Variants in ADCY4 observed in about 807,000 individuals in gnomAD.
ADCY4 encodes adenylate cyclase type 4.
In ADCY4, 111 loss-of-function variants were observed where a neutral mutation model predicts 125.5. The ratio of observed to expected loss-of-function variants is 0.88; its 90% CI spans 0.76 to 1.04. The LOEUF is 1.04. Ranked by LOEUF, ADCY4 falls within the 50% of genes least tolerant of loss-of-function variation. The probability of loss-of-function intolerance (pLI) is 0.00; values close to 1 mark genes in which losing one functional copy is unlikely to be tolerated. For missense variants in ADCY4, 1,256 were observed against 1,382.9 expected (o/e 0.91, Z 1.46); for synonymous variants, 576 against 586.9 (o/e 0.98, Z 0.27).
intron 16 of ADCY4, 132 bp from the exon 17 acceptor site, chr14:24,323,586 G>A (rs938604881): frequency 3.4e-6 from 5 of 1,464,330 alleles, no homozygotes; most frequent in South Asian, 2.8e-5. Flanking sequence ...GCTATTTCTG[G>A]TTGGGAAGGG....
chr14:24,321,145 G>T (rs2041845136), intron 20 of ADCY4, among the ~76,000 whole-genome samples: 1 of 149,528 alleles, frequency 6.7e-6, no homozygotes, highest in Non-Finnish European at 1.5e-5. Context: ...GCCGGGTGCG[G>T]TGCGCCTGTA....
Position 24,331,086 on chromosome 14 carries a change from C to T in ADCY4, c.862G>A (p.Glu288Lys), listed in dbSNP as rs973797984. ...AGCACCAGCTCCTTAGGGGAACACTCGCTGGCCAGCCGCGTGAAGCCCACG... is the reference window on the plus strand; with the variant it reads ...AGCACCAGCTCCTTAGGGGAACACTTGCTGGCCAGCCGCGTGAAGCCCACG... Reference protein sequence around the residue: ...DIVGFTRLASECSPKELVLML... With the variant: ...DIVGFTRLASKCSPKELVLML... The change falls in exon 6 of 25, where the codon GAG becomes AAG. Residue 288 changes from glutamate (E) to lysine (K), a missense_variant. By Grantham distance (56) the Glu-to-Lys change is moderately conservative. Coordinates refer to ENST00000418030, the MANE Select transcript of ADCY4 (RefSeq NM_001198568.2). 7.4e-6 allele frequency: 12 copies of T among 1,613,558 alleles called. No individual in the cohort carries two copies. Among genetic ancestry groups the T allele is most frequent in the Admixed American group, 3.3e-5 (2 of 60,014 alleles).
In ADCY4 at chr14:24,325,446, T is replaced by G. The variant is rs778072197; in HGVS notation, c.1754A>C (p.Lys585Thr). 1.2e-6 allele frequency: 2 copies of G among 1,613,704 alleles called. No homozygotes were observed. Among genetic ancestry groups the G allele is most frequent in the African/African-American group, 2.7e-5 (2 of 74,774 alleles). Residue 585 changes from lysine (K) to threonine (T), a missense_variant, in exon 14 of 25, where the codon AAA (lysine) becomes ACA (threonine). Transcript: ENST00000418030. ...EYRLSAIPAF[K>T]YYEACTFLVF... is the part of the protein sequence containing the mutation. ...CAGGAAGGTGCAGGCTTCATAGTAT[T>G]TGAAGGCGGGGATTGCAGAGAGTCG...
chr14:24,334,984 T>G lies in ADCY4; in HGVS notation c.-332A>C. The G allele has an allele frequency of 4.9e-6, 1 of 203,100 alleles. No individual in the cohort carries two copies. The highest frequency in any genetic ancestry group is 1.1e-4 in the East Asian group (1 of 9,328). 12.6% of individuals were successfully genotyped at this position (203,100 alleles called of 1,614,324 possible). ...GGGTTCCCCTGATCCCCGAACTCAC[T>G]GCCCGCGGCGCTGGCGCAGCGGAGT... On this transcript the variant is annotated 5_prime_UTR_variant, in exon 1 of 25. Transcript: ENST00000418030.
chr14:24,334,203 C>G (rs2042096110), intron 1 of ADCY4, among the ~76,000 whole-genome samples: 1 of 152,118 alleles, frequency 6.6e-6, no homozygotes, highest in Admixed American at 6.5e-5. Flanking sequence ...CTTTGGAAAA[C>G]TGGAAAATCC....
chr14:24,329,882 T>C lies in ADCY4; in HGVS notation c.1195A>G (p.Met399Val). Residue 399 changes from methionine (M) to valine (V), a missense_variant, in exon 8 of 25, where the codon ATG (methionine) becomes GTG (valine). By Grantham distance (21) the Met-to-Val change is conservative. Transcript: ENST00000418030. The stretch of plus-strand genomic sequence containing the variant: ...CACCCTGGTACACCGCCTGCCTCCA[T>C]GTGGTTAGCCAGTGTGACATCATGT... ...WSHDVTLANHMEAGGVPGRVH... is the reference protein window; with the variant it reads ...WSHDVTLANHVEAGGVPGRVH... 6.2e-7 allele frequency: 1 copy of C among 1,614,022 alleles called. No homozygotes were observed. The highest frequency in any genetic ancestry group is 8.5e-7 in the Non-Finnish European group (1 of 1,179,944).
intron 1 of ADCY4, 23 bp from the exon 2 acceptor site, chr14:24,333,011 C>T (rs1346887601): frequency 6.7e-7 from 1 of 1,500,652 alleles, no homozygotes. Context: ...GTGTGTGAGG[C>T]AAGATTGTGA....
intron 14 of ADCY4, among the ~76,000 whole-genome samples, 161 bp from the exon 15 acceptor site, chr14:24,324,552 G>A (rs1276239712): frequency 6.6e-6 from 1 of 152,082 alleles, no homozygotes; most frequent in Non-Finnish European, 1.5e-5. Flanking sequence ...GCATTCTGAT[G>A]ATCTGGGTTG....
chr14:24,331,388 C>T, intron 4 of ADCY4, 32 bp from the exon 5 acceptor site: 1 of 1,611,698 alleles, frequency 6.2e-7, no homozygotes, highest in Non-Finnish European at 8.5e-7. Flanking sequence ...ACCAACTCTT[C>T]TGCACCCTAA....
In ADCY4 at chr14:24,325,865, A is replaced by C; in HGVS notation, c.1678T>G (p.Phe560Val). 1 of 1,596,046 alleles carries C rather than the reference A, an allele frequency of 6.3e-7. No individual in the cohort carries two copies. Among genetic ancestry groups the C allele is most frequent in the South Asian group, 1.1e-5 (1 of 88,594 alleles). ...SQKQWKQSKD[F>V]NPLTLYFREK... ...CTGAAGTACAGTGTCAGTGGGTTGA[A>C]GTCCTTCGACTGCTTCCACTGTCTG... Residue 560 changes from phenylalanine (F) to valine (V), a missense_variant, in exon 13 of 25, where the codon TTC (phenylalanine) becomes GTC (valine). Transcript: ENST00000418030.
chr14:24,323,143 C>A, intron 17 of ADCY4, 55 bp from the exon 18 acceptor site: 1 of 1,577,616 alleles, frequency 6.3e-7, no homozygotes, highest in South Asian at 1.2e-5. Context: ...AGAGGGGGGA[C>A]ACCTGAGGGC....
chr14:24,332,778 C>T lies in ADCY4; in HGVS notation c.357+13G>A. On this transcript the variant is annotated intron_variant, in intron 2 of 24. Coordinates refer to ENST00000418030, the MANE Select transcript of ADCY4 (RefSeq NM_001198568.2). ...CGGGCCGTCCCCGCTGCCCCGCCTG[C>T]CGCCCCTCTCACCTGGTCCCAGGCG... is the stretch of plus-strand genomic sequence containing the variant. 1.8e-5 allele frequency: 27 copies of T among 1,538,752 alleles called. No homozygotes were observed. The highest frequency in any genetic ancestry group is 2.3e-5 in the Non-Finnish European group (26 of 1,137,742).
rs368451798 is a variant in ADCY4, at chr14:24,331,407, G to A, written c.670-51C>T. 7.9e-5 allele frequency: 127 copies of A among 1,604,688 alleles called. 1 individual carries two copies. In the African/African-American group the frequency reaches 1.1e-3, roughly 14 times the overall value. ...ACTCTTCTGCACCCTAAAGCCAGGAGGCCCTGTCCCCCAAATCACTCAGGA... is the reference window on the plus strand; with the variant it reads ...ACTCTTCTGCACCCTAAAGCCAGGAAGCCCTGTCCCCCAAATCACTCAGGA... On this transcript the variant is annotated intron_variant, in intron 4 of 24. Transcript: ENST00000418030.
At position 24,325,457 on chromosome 14, in the gene ADCY4, G is replaced by T. The variant is rs1315779963; in HGVS notation, c.1743C>A (p.Ile581=). 6.2e-7 allele frequency: 1 copy of T among 1,613,828 alleles called. No individual in the cohort carries two copies. The highest frequency in any genetic ancestry group is 8.5e-7 in the Non-Finnish European group (1 of 1,179,928). Residue 581 remains isoleucine (I), a synonymous_variant, in exon 14 of 25, where the codon ATC becomes ATA. Coordinates refer to ENST00000418030, the MANE Select transcript of ADCY4 (RefSeq NM_001198568.2). ...AGGCTTCATAGTATTTGAAGGCGGGGATTGCAGAGAGTCGGTACTGAAAGT... is the reference window on the plus strand; with the variant it reads ...AGGCTTCATAGTATTTGAAGGCGGGTATTGCAGAGAGTCGGTACTGAAAGT... ...EMEKEYRLSA[I]PAFKYYEACT...
intron 9 of ADCY4, 38 bp from the exon 10 acceptor site, chr14:24,329,272 A>T: frequency 6.2e-7 from 1 of 1,604,676 alleles, no homozygotes; most frequent in Non-Finnish European, 8.5e-7. Context: ...GACCACAGAC[A>T]CTTCCTCCTT....
At chr14:24,325,720 T>G in intron 13 of ADCY4, 98 bp downstream of exon 13, 3 of 1,402,328 alleles carry the variant, frequency 2.1e-6, no homozygotes, top group Non-Finnish European at 2.9e-6. Context: ...GATCACAAAC[T>G]GAGCAGACTT....
At position 24,334,733 on chromosome 14, in the gene ADCY4, G is replaced by A. The variant is rs375330426; in HGVS notation, c.-81C>T. Reference sequence around the variant, plus strand: ...CTTCGGCCCGGCGGGCCCCACCTGAGCTTTTCTCACCCGCTCAAAGCCGCT... The same window carrying A: ...CTTCGGCCCGGCGGGCCCCACCTGAACTTTTCTCACCCGCTCAAAGCCGCT... On this transcript the variant is annotated 5_prime_UTR_variant, in exon 1 of 25. Transcript: ENST00000418030. 709 of 1,223,530 alleles carry A rather than the reference G, an allele frequency of 5.8e-4. 1 individual carries two copies. In the African/African-American group the frequency reaches 8.1e-3, roughly 14 times the overall value. The allele number at this position is 1,223,530 out of a possible 1,614,324, so 75.8% of individuals were successfully genotyped here.
rs2042109591 is a variant in ADCY4 at position 24,334,890 on chromosome 14, T to C, written c.-238A>G. Reference sequence around the variant, plus strand: ...TTCCTCCTCCTCCCTCAAACCCGGATTGTAGAGGTGCCCTAGAAAAGCCTC... The same window carrying C: ...TTCCTCCTCCTCCCTCAAACCCGGACTGTAGAGGTGCCCTAGAAAAGCCTC... On this transcript the variant is annotated 5_prime_UTR_variant, in exon 1 of 25. Coordinates refer to ENST00000418030, the MANE Select transcript of ADCY4 (RefSeq NM_001198568.2). 4.0e-6 allele frequency: 2 copies of C among 497,198 alleles called. No individual in the cohort carries two copies. Among genetic ancestry groups the C allele is most frequent in the South Asian group, 2.9e-5 (1 of 34,734 alleles). 30.8% of individuals were successfully genotyped at this position (497,198 alleles called of 1,614,324 possible).
Position 24,318,393 on chromosome 14 carries a change from G to T in ADCY4, c.*23C>A, listed in dbSNP as rs1447324820. On this transcript the variant is annotated 3_prime_UTR_variant, in exon 25 of 25. Coordinates refer to ENST00000418030, the MANE Select transcript of ADCY4 (RefSeq NM_001198568.2). The stretch of plus-strand genomic sequence containing the variant: ...GACACCCCAGAGTCTCTTTATTGAG[G>T]TTCTTAGAAGGCGAGTGCAATCTCA... 2.5e-6 allele frequency: 4 copies of T among 1,611,966 alleles called. No homozygotes were observed. In the African/African-American group the frequency reaches 5.3e-5, roughly 22 times the overall value.
Sources: gnomAD v4.1 joint callset for allele counts (sites outside exome capture counted in the v4.1 genomes callset) on GRCh38, gnomAD v4.1.1 for gene constraint, MANE v1.5 for transcripts, NCBI Gene and HGNC (gene_info 2026-07-23, HGNC 2026-07-21) for gene names.